FCHO1: variants seen among roughly 807,000 people sequenced by gnomAD.
FCHO1 encodes FCH and mu domain containing endocytic adaptor 1, also known as F-BAR domain only protein 1.
FCHO1 carries 45 observed loss-of-function variants against 114.4 expected under a neutral mutation model. The observed-to-expected ratio is 0.39, with a 90% CI of 0.31 to 0.50. The LOEUF is 0.50. FCHO1 is among the 20% of genes least tolerant of loss of function. The pLI is 0.77. For synonymous variants in FCHO1, 480 were observed against 488.9 expected, an observed-to-expected ratio of 0.98 and a Z score of 0.24; for missense variants, 1,042 against 1,209.6, an observed-to-expected ratio of 0.86 and a Z score of 2.06.
At chr19:17,755,465 A>G in intron 4 of FCHO1, 1 of 329,804 alleles carries the variant, frequency 3.0e-6, no homozygotes, top group East Asian at 5.6e-5. Context: ...GCCCCATGAA[A>G]AAGTGCAGAG....
chr19:17,753,631 T>C (rs936104207), intron 1 of FCHO1: 1 of 152,210 alleles, frequency 6.6e-6, no homozygotes, highest in Non-Finnish European at 1.5e-5. Context: ...AGTCCCGGGA[T>C]TGGAGGCTCA....
rs560800263 is a variant in FCHO1, at chr19:17,759,366, G to A, written c.28-3396G>A. Among the ~76,000 whole-genome samples, 3 of 151,568 alleles carry A rather than the reference G, an allele frequency of 2.0e-5. No homozygotes were observed. The East Asian group carries it at 5.9e-4, about 30-fold the overall frequency. Reference sequence around the variant, plus strand: ...GCCTCCCGAGTACTTGGGACTACAGGCGCCCACTGCCACGTCTGGCTAATT... The same window carrying A: ...GCCTCCCGAGTACTTGGGACTACAGACGCCCACTGCCACGTCTGGCTAATT... On this transcript the variant is annotated intron_variant, in intron 4 of 28. Coordinates refer to ENST00000596536, the MANE Select transcript of FCHO1 (RefSeq NM_015122.3).
chr19:17,786,666 G>GGCA, intron 27 of FCHO1, 37 bp downstream of exon 27: 11 of 496,972 alleles, frequency 2.2e-5, no homozygotes, highest in Non-Finnish European at 4.1e-5. Flanking sequence ...GGGTGGGAGG[G>GGCA]ACTGGGGTCA....
intron 5 of FCHO1, among the ~76,000 whole-genome samples, chr19:17,763,334 G>A (rs1221686530): frequency 6.7e-6 from 1 of 148,392 alleles, no homozygotes; most frequent in African/African-American, 2.5e-5. Context: ...TGCAGTCTCG[G>A]CTCACTGTAA....
chr19:17,767,384 C>T (rs2089671256), intron 7 of FCHO1, among the ~76,000 whole-genome samples: 1 of 91,370 alleles, frequency 1.1e-5, no homozygotes, highest in Admixed American at 1.4e-4. Flanking sequence ...ATAGGGAGAC[C>T]CCATCTTTAC....
chr19:17,753,073 C>T lies in FCHO1; in HGVS notation c.-182-1244C>T, dbSNP rs1334574808. The stretch of plus-strand genomic sequence containing the variant: ...CTCCAGCCTGGGCAACAGAGCGAGA[C>T]CCTGTCTCCAAAAAAAAAAAAAATT... On this transcript the variant is annotated intron_variant, in intron 1 of 28. Coordinates refer to ENST00000596536, the MANE Select transcript of FCHO1 (RefSeq NM_015122.3). 3.3e-5 allele frequency among the ~76,000 whole-genome samples: 5 copies of T among 151,942 alleles called. 1 individual carries two copies. Among genetic ancestry groups the T allele is most frequent in the Admixed American group, 3.3e-4 (5 of 15,250 alleles).
At position 17,774,582 on chromosome 19, in the gene FCHO1, A is replaced by G. The variant is rs2092348186; in HGVS notation, c.920+104A>G. On this transcript the variant is annotated intron_variant, in intron 13 of 28. Transcript: ENST00000596536. ...CTCCTAGGATAGCCCAGGAGTATCC[A>G]TATTCCAGGCTGGACCAGGATTCCC... 5.6e-6 allele frequency: 5 copies of G among 890,046 alleles called. No homozygotes were observed. The East Asian group carries it at 1.3e-4, about 23-fold the overall frequency. 55.1% of individuals were successfully genotyped at this position (890,046 alleles called of 1,614,324 possible). A position where few individuals can be genotyped will look rare whatever the true frequency, so the allele number is the denominator to read the frequency against.
At position 17,778,839 on chromosome 19, in the gene FCHO1, G is replaced by C; in HGVS notation, c.1582G>C (p.Ala528Pro). The change falls in exon 20 of 29, where the codon GCC becomes CCC. Residue 528 changes from alanine to proline, a missense_variant. Around this residue, in one of 3 missense-constraint regions of FCHO1, gnomAD observed 455 missense variants for 455.4 expected, o/e 1.00. Coordinates refer to ENST00000596536, the MANE Select transcript of FCHO1 (RefSeq NM_015122.3). ...PPLPDSPQPLASSPGPWGLEA... is the reference protein window; with the variant it reads ...PPLPDSPQPLPSSPGPWGLEA... ...TCTGCCAGACTCGCCGCAGCCCCTCGCCTCGTCTCCAGGCCCCTGGGGGCT... is the reference window on the plus strand; with the variant it reads ...TCTGCCAGACTCGCCGCAGCCCCTCCCCTCGTCTCCAGGCCCCTGGGGGCT... The C allele has an allele frequency of 6.4e-7, 1 of 1,561,262 alleles. No individual in the cohort carries two copies. Among genetic ancestry groups the C allele is most frequent in the East Asian group, 2.3e-5 (1 of 43,468 alleles).
intron 8 of FCHO1, 79 bp from the exon 9 acceptor site, chr19:17,770,713 C>T: frequency 6.3e-7 from 1 of 1,589,192 alleles, no homozygotes; most frequent in Non-Finnish European, 8.6e-7. Flanking sequence ...CCGAGGAGTT[C>T]ACCTGCCAGG....
At chr19:17,781,367 G>A in intron 21 of FCHO1, 24 bp downstream of exon 21, 1 of 1,610,310 alleles carries the variant, frequency 6.2e-7, no homozygotes, top group Non-Finnish European at 8.5e-7. Flanking sequence ...CGTGGCAGGA[G>A]CTGGACTGGG....
chr19:17,777,274 C>T (rs1035849940), intron 18 of FCHO1, among the ~76,000 whole-genome samples: 5 of 151,898 alleles, frequency 3.3e-5, no homozygotes, highest in Admixed American at 6.6e-5. Context: ...TGGCGGCTCA[C>T]GCCTGTAATT....
At position 17,770,471 on chromosome 19, in the gene FCHO1, C is replaced by G; in HGVS notation, c.383C>G (p.Ser128Trp). ...ACCTTGGATGCTGTGCAGGTACTCTCGGGCGTCAGCCAGCTCCTGCCCAAG... is the reference window on the plus strand; with the variant it reads ...ACCTTGGATGCTGTGCAGGTACTCTGGGGCGTCAGCCAGCTCCTGCCCAAG... Reference protein sequence around the residue: ...VSTLDAVQVLSGVSQLLPKSR... With the variant: ...VSTLDAVQVLWGVSQLLPKSR... The change falls in exon 8 of 29, where the codon TCG becomes TGG. Residue 128 changes from serine (S) to tryptophan (W), a missense_variant. Physicochemically the swap from Ser to Trp is radical, Grantham distance 177. This residue lies in a region of FCHO1 where 450 missense variants were observed against 564.1 expected (regional missense o/e 0.80). Coordinates refer to ENST00000596536, the MANE Select transcript of FCHO1 (RefSeq NM_015122.3). 1.2e-6 allele frequency: 2 copies of G among 1,613,868 alleles called. No homozygotes were observed. The highest frequency in any genetic ancestry group is 1.7e-6 in the Non-Finnish European group (2 of 1,179,914).
At chr19:17,785,063 ATGT>A (rs2093752527) in intron 26 of FCHO1, 139 bp downstream of exon 26, 1 of 810,588 alleles carries the variant, frequency 1.2e-6, no homozygotes, top group Non-Finnish European at 2.0e-6. Flanking sequence ...ACTAAGGGTG[ATGT>A]TATGAGTGCC....
intron 6 of FCHO1, 43 bp downstream of exon 6, chr19:17,764,492 T>C (rs1331095534): frequency 3.3e-6 from 5 of 1,516,124 alleles, no homozygotes; most frequent in Non-Finnish European, 4.5e-6. Flanking sequence ...ATTGGGAGCC[T>C]CCTCCTTGGT....
At position 17,787,691 on chromosome 19, in the gene FCHO1, G is replaced by A. The variant is rs1404579278; in HGVS notation, c.2492G>A (p.Arg831His). Residue 831 changes from arginine to histidine, a missense_variant, in exon 28 of 29, where the codon CGC (arginine) becomes CAC (histidine). This residue lies in a region of FCHO1 where 137 missense variants were observed against 190.0 expected (regional missense o/e 0.72). Transcript: ENST00000596536. ...CTGCAGGTCTCCCCAGGTTCTGGCC[G>A]CCTCTCTGCCAGCTGGGAGCCGCTC... Reference protein sequence around the residue: ...PDVSEAGGSGRLSASWEPLSG... With the variant: ...PDVSEAGGSGHLSASWEPLSG... The A allele has an allele frequency of 4.5e-6, 7 of 1,558,514 alleles. No individual in the cohort carries two copies. The highest frequency in any genetic ancestry group is 1.2e-5 in the South Asian group (1 of 84,724).
chr19:17,771,414 A>G (rs2091492536), intron 9 of FCHO1, among the ~76,000 whole-genome samples: 1 of 151,676 alleles, frequency 6.6e-6, no homozygotes, highest in African/African-American at 2.4e-5. Context: ...CATGCCTGTA[A>G]TCCCAGCACT....
intron 23 of FCHO1, among the ~76,000 whole-genome samples, chr19:17,782,700 G>A (rs987682327): frequency 6.6e-6 from 1 of 152,176 alleles, no homozygotes. Context: ...ATGAAGAAGA[G>A]GAGAGTGTCA....
rs1227559297 is a variant in FCHO1, at chr19:17,781,709, C to T, written c.1829-3C>T. 1.9e-6 allele frequency: 3 copies of T among 1,599,168 alleles called. No homozygotes were observed. Among genetic ancestry groups the T allele is most frequent in the South Asian group, 1.1e-5 (1 of 89,166 alleles). Reference sequence around the variant, plus strand: ...TTCCCCATTCCCTCTCCACCACCCCCAGGAGTCTCCCGGGGTCCGAGCCCT... The same window carrying T: ...TTCCCCATTCCCTCTCCACCACCCCTAGGAGTCTCCCGGGGTCCGAGCCCT... On this transcript the variant is annotated splice_region_variant and splice_polypyrimidine_tract_variant and intron_variant, in intron 22 of 28. Transcript: ENST00000596536.
chr19:17,775,396 G>A lies in FCHO1; in HGVS notation c.946-60G>A. ...GGCAGGGCGGGGGGCGGTTGGCAGG[G>A]TGAGATGGAAGGTTCGATAGTGGGG... On this transcript the variant is annotated intron_variant, in intron 14 of 28. Coordinates refer to ENST00000596536, the MANE Select transcript of FCHO1 (RefSeq NM_015122.3). The surrounding 1 kb of genome is among the most constrained non-coding windows in gnomAD (Gnocchi z 5.1). The A allele has an allele frequency of 6.5e-7, 1 of 1,541,244 alleles. No homozygotes were observed. The highest frequency in any genetic ancestry group is 1.1e-5 in the South Asian group (1 of 89,554).
Sources: allele counts gnomAD v4.1 joint callset (sites outside exome capture counted in the v4.1 genomes callset), GRCh38; gene constraint gnomAD v4.1.1; regional missense constraint gnomAD v4.1.1; non-coding constraint Gnocchi (gnomAD v3.1); transcripts MANE v1.5; gene names NCBI Gene and HGNC (gene_info 2026-07-23, HGNC 2026-07-21).